The following MAGI2 variants were observed in gnomAD, a reference collection of about 807,000 sequenced individuals.
The protein encoded by MAGI2 is membrane-associated guanylate kinase, WW and PDZ domain-containing protein 2.
A neutral mutation model predicts 133.3 loss-of-function variants in MAGI2; 35 were observed. That is an observed-to-expected ratio of 0.26 (90% CI 0.20 to 0.35). The LOEUF (loss-of-function observed/expected upper bound fraction) is 0.35. MAGI2 is among the 10% of genes least tolerant of loss of function. The pLI is 1.00. For synonymous variants in MAGI2, 729 were observed against 710.6 expected (o/e 1.03, Z -0.41); for missense variants, 1,636 against 1,863.4 (o/e 0.88, Z 2.25).
intron 1 of MAGI2, among the ~76,000 whole-genome samples, chr7:79,021,042 G>C (rs1203124605): frequency 2.6e-5 from 4 of 152,218 alleles, no homozygotes; most frequent in African/African-American, 7.2e-5. Flanking sequence ...TTCACAGTGT[G>C]CATGCCCCAA....
At chr7:79,315,724 G>A (rs1176285264) in intron 1 of MAGI2, among the ~76,000 whole-genome samples, 1 of 152,146 alleles carries the variant, frequency 6.6e-6, no homozygotes, top group African/African-American at 2.4e-5. Flanking sequence ...AATGGTGGTA[G>A]AGCATAAAGT....
At chr7:78,279,879 G>A (rs1046737655) in intron 9 of MAGI2, among the ~76,000 whole-genome samples, 5 of 152,072 alleles carry the variant, frequency 3.3e-5, no homozygotes, top group Admixed American at 6.6e-5. Flanking sequence ...CTATCAATAC[G>A]GAGATTGAAA....
chr7:79,416,269 G>A (rs528808595), intron 1 of MAGI2, among the ~76,000 whole-genome samples: 1 of 151,884 alleles, frequency 6.6e-6, no homozygotes, highest in Non-Finnish European at 1.5e-5. Flanking sequence ...AGTGAGGGAG[G>A]GTAAAAGAGA....
At chr7:79,375,599 C>G (rs901586908) in intron 1 of MAGI2, among the ~76,000 whole-genome samples, 3 of 135,934 alleles carry the variant, frequency 2.2e-5, no homozygotes, top group African/African-American at 8.8e-5. Flanking sequence ...CCCATTTGGT[C>G]TTCAGGAAAC....
intron 1 of MAGI2, among the ~76,000 whole-genome samples, chr7:79,026,071 A>G (rs555469887): frequency 1.3e-5 from 2 of 152,334 alleles, no homozygotes; most frequent in African/African-American, 4.8e-5. Flanking sequence ...CCTGAAGTCT[A>G]TCAGTTAAAA....
intron 1 of MAGI2, among the ~76,000 whole-genome samples, chr7:79,368,676 G>A (rs1294027363): frequency 6.6e-6 from 1 of 151,064 alleles, no homozygotes; most frequent in Admixed American, 6.6e-5. Flanking sequence ...GTGAAACCCC[G>A]TCTCTACTAA....
At chr7:78,643,392 A>C (rs1810510429) in intron 2 of MAGI2, among the ~76,000 whole-genome samples, 1 of 152,318 alleles carries the variant, frequency 6.6e-6, no homozygotes, top group African/African-American at 2.4e-5. Context: ...AAATAGAGAA[A>C]TGATAAAATA....
intron 1 of MAGI2, among the ~76,000 whole-genome samples, chr7:79,119,730 C>G (rs892821377): frequency 4.6e-5 from 7 of 151,978 alleles, no homozygotes; most frequent in Non-Finnish European, 1.0e-4. Context: ...CTGCTTTTTA[C>G]AGGGTTAATC....
chr7:78,449,184 G>A (rs550860878), intron 6 of MAGI2, among the ~76,000 whole-genome samples: 1 of 152,100 alleles, frequency 6.6e-6, no homozygotes, highest in African/African-American at 2.4e-5. Context: ...GGAAACATGT[G>A]TAGGCCCCTG....
rs181319508 is a variant in MAGI2, at chr7:79,197,447, G to A, written c.302-190241C>T. 6.0e-4 allele frequency among the ~76,000 whole-genome samples: 91 copies of A among 152,128 alleles called. 2 individuals carry two copies. Among genetic ancestry groups the A allele is most frequent in the African/African-American group, 2.1e-3 (86 of 41,430 alleles). On this transcript the variant is annotated intron_variant, in intron 1 of 21. Transcript: ENST00000354212. The stretch of plus-strand genomic sequence containing the variant: ...TATAGAACCTCACACTTTGCTCAGA[G>A]GAAAATCACAACCAGCGCTTGCTCC...
intron 2 of MAGI2, among the ~76,000 whole-genome samples, chr7:78,717,800 G>A (rs1819864080): frequency 6.6e-6 from 1 of 152,146 alleles, no homozygotes; most frequent in Admixed American, 6.5e-5. Flanking sequence ...AGAGCTTGTA[G>A]GTAGTGGAGC....
intron 2 of MAGI2, among the ~76,000 whole-genome samples, chr7:78,691,631 C>T (rs1472921157): frequency 6.6e-6 from 1 of 151,966 alleles, no homozygotes; most frequent in Non-Finnish European, 1.5e-5. Context: ...TTTAGCTTGA[C>T]CAAAAGAGCA....
intron 1 of MAGI2, among the ~76,000 whole-genome samples, chr7:79,294,721 C>CTTTTTTTTTTTTTT (rs1161010284): frequency 2.4e-5 from 2 of 83,166 alleles, no homozygotes; most frequent in Non-Finnish European, 2.1e-5. Flanking sequence ...ATTTTGGTAG[C>CTTTTTTTTTTTTTT]TTTTTTTTTT....
intron 6 of MAGI2, among the ~76,000 whole-genome samples, chr7:78,418,542 T>C (rs1196794888): frequency 1.3e-5 from 2 of 152,180 alleles, no homozygotes; most frequent in African/African-American, 2.4e-5. Flanking sequence ...CATGTGGCTA[T>C]TGAGCATGTG....
At chr7:79,298,627 T>C (rs1837134523) in intron 1 of MAGI2, among the ~76,000 whole-genome samples, 1 of 152,186 alleles carries the variant, frequency 6.6e-6, no homozygotes, top group African/African-American at 2.4e-5. Context: ...GGCTAGATAA[T>C]TTAAGCATGG....
intron 3 of MAGI2, among the ~76,000 whole-genome samples, chr7:78,552,628 G>A (rs1260872184): frequency 1.3e-5 from 2 of 152,174 alleles, no homozygotes; most frequent in African/African-American, 4.8e-5. Context: ...AATGGTGTCT[G>A]TAGATGCCGT....
intron 21 of MAGI2, among the ~76,000 whole-genome samples, chr7:78,059,409 A>G (rs923258447): frequency 1.3e-5 from 2 of 152,218 alleles, no homozygotes; most frequent in African/African-American, 4.8e-5. Flanking sequence ...ATTAGTTTCT[A>G]GATATCTGCT....
chr7:78,175,677 C>T (rs1035704821), intron 14 of MAGI2, among the ~76,000 whole-genome samples: 2 of 152,150 alleles, frequency 1.3e-5, no homozygotes, highest in Non-Finnish European at 2.9e-5. Context: ...TTCCCTTAGA[C>T]TCTGACATTT....
intron 1 of MAGI2, among the ~76,000 whole-genome samples, chr7:79,190,777 A>G (rs935769592): frequency 6.6e-6 from 1 of 151,864 alleles, no homozygotes; most frequent in Non-Finnish European, 1.5e-5. Flanking sequence ...TTCTATACAC[A>G]TTAACATGCT....
Sources: gnomAD v4.1 joint callset for allele counts (sites outside exome capture counted in the v4.1 genomes callset) on GRCh38, gnomAD v4.1.1 for gene constraint, MANE v1.5 for transcripts, NCBI Gene and HGNC (gene_info 2026-07-23, HGNC 2026-07-21) for gene names.